Variants in ZFHX3 observed in about 807,000 individuals in gnomAD.
ZFHX3 encodes zinc finger homeobox 3.
A neutral mutation model predicts 279.1 loss-of-function variants in ZFHX3; 42 were observed. That is an observed-to-expected ratio of 0.15 (90% confidence interval 0.12 to 0.19). The LOEUF (loss-of-function observed/expected upper bound fraction) is 0.19. Among genes scored for constraint, ZFHX3 ranks in the 10% least tolerant of loss-of-function variants. The pLI is 1.00. For missense variants in ZFHX3, 4,981 were observed against 4,754.0 expected (o/e 1.05, Z -1.40); for synonymous variants, 2,293 against 1,957.8 (o/e 1.17, Z -4.52).
intron 4 of ZFHX3, among the ~76,000 whole-genome samples, chr16:72,863,673 C>T (rs1426392770): frequency 6.6e-6 from 1 of 151,830 alleles, no homozygotes; most frequent in African/African-American, 2.4e-5. Context: ...GGGTATCTGC[C>T]GAGGATGGAT....
At chr16:73,351,743 T>C in intron 3 of ZFHX3, among the ~76,000 whole-genome samples, 1 of 152,202 alleles carries the variant, frequency 6.6e-6, no homozygotes, top group Non-Finnish European at 1.5e-5. Context: ...AAAGCCTTCT[T>C]GGCAGCACGG....
chr16:73,717,134 C>T (rs914742728), intron 1 of ZFHX3, among the ~76,000 whole-genome samples: 2 of 152,200 alleles, frequency 1.3e-5, no homozygotes, highest in African/African-American at 4.8e-5. Context: ...CTGAACTATT[C>T]TGAACGCAGT....
intron 1 of ZFHX3, among the ~76,000 whole-genome samples, chr16:73,718,277 G>A (rs1175219878): frequency 1.3e-5 from 2 of 152,120 alleles, no homozygotes; most frequent in African/African-American, 4.8e-5. Context: ...CGGGCGTGGT[G>A]GCAGGCACCT....
At chr16:72,881,613 T>C (rs1435665976) in intron 4 of ZFHX3, among the ~76,000 whole-genome samples, 6 of 152,144 alleles carry the variant, frequency 3.9e-5, no homozygotes, top group African/African-American at 1.2e-4. Flanking sequence ...ACGGTACAGG[T>C]ACAAATCATT....
intron 1 of ZFHX3, among the ~76,000 whole-genome samples, chr16:73,702,984 C>T (rs867298692): frequency 3.3e-5 from 5 of 151,862 alleles, no homozygotes; most frequent in South Asian, 2.1e-4. Context: ...GTAGAGGCAG[C>T]GATGATAGCG....
chr16:73,302,435 C>G (rs980255686), intron 4 of ZFHX3, among the ~76,000 whole-genome samples: 4 of 152,190 alleles, frequency 2.6e-5, no homozygotes, highest in Non-Finnish European at 5.9e-5. Flanking sequence ...GTCTAACAAG[C>G]GTTGAACACA....
intron 3 of ZFHX3, among the ~76,000 whole-genome samples, chr16:73,392,061 G>C (rs1567469838): frequency 6.6e-6 from 1 of 152,054 alleles, no homozygotes. Flanking sequence ...GAATTTAAAA[G>C]AGAGCTGGGC....
intron 1 of ZFHX3, among the ~76,000 whole-genome samples, chr16:73,740,468 C>G (rs1029223092): frequency 6.6e-6 from 1 of 152,016 alleles, no homozygotes; most frequent in Non-Finnish European, 1.5e-5. Context: ...TTCCTCTAGC[C>G]CAGATCCGTC....
chr16:72,878,050 T>C (rs7199274), intron 4 of ZFHX3, among the ~76,000 whole-genome samples: 96,696 of 151,324 alleles, frequency 0.64, 31,814 homozygotes, highest in African/African-American at 0.81. Context: ...ACTAGCCAGG[T>C]GTGGTGGTGC....
intron 2 of ZFHX3, among the ~76,000 whole-genome samples, chr16:73,594,281 T>G (rs1421529893): frequency 6.6e-6 from 1 of 152,100 alleles, no homozygotes; most frequent in Non-Finnish European, 1.5e-5. Flanking sequence ...CATCTAGAAA[T>G]AAATCTAAAC....
intron 5 of ZFHX3, among the ~76,000 whole-genome samples, chr16:73,198,183 C>T (rs989005474): frequency 7.3e-5 from 11 of 151,678 alleles, no homozygotes; most frequent in Non-Finnish European, 1.0e-4. Flanking sequence ...GTGATCCGCC[C>T]GCCTCAGGCT....
At chr16:72,955,764 G>A (rs557961194) in intron 2 of ZFHX3, among the ~76,000 whole-genome samples, 7 of 125,750 alleles carry the variant, frequency 5.6e-5, no homozygotes, top group Admixed American at 1.9e-4. Context: ...GTGACAGAGC[G>A]AGACTCTGTC....
At chr16:72,802,113 T>C (rs1194144630) in intron 7 of ZFHX3, among the ~76,000 whole-genome samples, 1 of 152,058 alleles carries the variant, frequency 6.6e-6, no homozygotes, top group Non-Finnish European at 1.5e-5. Flanking sequence ...TCATACACAT[T>C]ACAGTAAGGC....
chr16:73,817,541 G>A (rs906551859), intron 1 of ZFHX3, among the ~76,000 whole-genome samples: 1 of 152,168 alleles, frequency 6.6e-6, no homozygotes, highest in Non-Finnish European at 1.5e-5. Flanking sequence ...CTGACAGAGA[G>A]ATTGGGAAGT....
At chr16:72,882,993 T>G (rs1046139764) in intron 4 of ZFHX3, among the ~76,000 whole-genome samples, 55 of 110,160 alleles carry the variant, frequency 5.0e-4, no homozygotes, top group South Asian at 9.7e-4. Context: ...TGTGTGTGTG[T>G]GTGTGTGTGT....
chr16:72,990,331 C>CA (rs1963033677), intron 1 of ZFHX3, among the ~76,000 whole-genome samples: 1 of 152,174 alleles, frequency 6.6e-6, no homozygotes, highest in Admixed American at 6.5e-5. Flanking sequence ...AGAGAGAACA[C>CA]AGAGTTTCGA....
intron 5 of ZFHX3, among the ~76,000 whole-genome samples, chr16:73,148,137 G>A (rs1022254250): frequency 1.4e-4 from 21 of 152,284 alleles, no homozygotes; most frequent in Admixed American, 5.9e-4. Context: ...TTTATGTATT[G>A]TCTATGATTC....
At chr16:72,817,982 C>CAA (rs1241352246) in intron 5 of ZFHX3, among the ~76,000 whole-genome samples, 1 of 152,180 alleles carries the variant, frequency 6.6e-6, no homozygotes, top group Non-Finnish European at 1.5e-5. Context: ...TGCTACTTTC[C>CAA]GTAAGCCAGA....
intron 2 of ZFHX3, among the ~76,000 whole-genome samples, chr16:73,489,465 G>GA (rs2019024663): frequency 1.3e-5 from 2 of 152,140 alleles, no homozygotes; most frequent in South Asian, 4.1e-4. Flanking sequence ...ATAATTCATA[G>GA]AAGCACTAAG....
Sources: gnomAD v4.1 joint callset for allele counts (sites outside exome capture counted in the v4.1 genomes callset) on GRCh38, gnomAD v4.1.1 for gene constraint, MANE v1.5 for transcripts, NCBI Gene and HGNC (gene_info 2026-07-23, HGNC 2026-07-21) for gene names.